Variants in PLEKHD1 observed in about 807,000 individuals in gnomAD.
The protein encoded by PLEKHD1 is pleckstrin homology domain-containing family D member 1.
In PLEKHD1, 51 loss-of-function variants were observed where a neutral mutation model predicts 69.2. The observed-to-expected ratio is 0.74, with a 90% confidence interval of 0.59 to 0.93. PLEKHD1 has a LOEUF of 0.93. Among genes scored for constraint, PLEKHD1 ranks in the 40% least tolerant of loss-of-function variants. PLEKHD1 has a pLI of 0.00. For missense variants in PLEKHD1, 584 were observed against 641.0 expected (o/e 0.91, Z 0.96); for synonymous variants, 236 against 244.7 (o/e 0.96, Z 0.33).
chr14:69,468,015 C>T, the PLEKHD1 span, among the ~76,000 whole-genome samples: 1 of 152,190 alleles, frequency 6.6e-6, no homozygotes, highest in Non-Finnish European at 1.5e-5. Context: ...GCCTTCTGTG[C>T]TGGTTTCGAT....
Position 69,501,838 on chromosome 14 carries a change from G to T in PLEKHD1, c.502+13G>T, listed in dbSNP as rs1883033156. 2 of 1,544,580 alleles carry T rather than the reference G, an allele frequency of 1.3e-6. No individual in the cohort carries two copies. The highest frequency in any genetic ancestry group is 2.4e-5 in the South Asian group (2 of 83,700). On this transcript the variant is annotated intron_variant, in intron 5 of 12. Transcript: ENST00000322564. ...CAGGAGTATTTAGGTTGGCTGGAGGGGTGGTTCCCTAATGGTAGCAGCACT... is the reference window on the plus strand; with the variant it reads ...CAGGAGTATTTAGGTTGGCTGGAGGTGTGGTTCCCTAATGGTAGCAGCACT...
chr14:69,514,938 G>A (rs1310690452), intron 6 of PLEKHD1, among the ~76,000 whole-genome samples: 1 of 152,194 alleles, frequency 6.6e-6, no homozygotes, highest in Non-Finnish European at 1.5e-5. Flanking sequence ...CTCAGGCACA[G>A]TGTAATCCCA....
intron 6 of PLEKHD1, among the ~76,000 whole-genome samples, chr14:69,518,038 G>A (rs867315500): frequency 0.023 from 3,430 of 149,118 alleles, 153 homozygotes; most frequent in African/African-American, 0.081. Flanking sequence ...TTATTTGTTT[G>A]TTTGTTTGTT....
intron 6 of PLEKHD1, among the ~76,000 whole-genome samples, chr14:69,519,036 C>T (rs1303945119): frequency 6.6e-6 from 1 of 151,808 alleles, no homozygotes; most frequent in Middle Eastern, 3.2e-3. Flanking sequence ...AGAGAAAGGC[C>T]CAGGAAGCCA....
chr14:69,501,887 G>A, intron 5 of PLEKHD1, 62 bp downstream of exon 5: 2 of 1,409,612 alleles, frequency 1.4e-6, no homozygotes, highest in Non-Finnish European at 9.7e-7. Context: ...CTATAGCCAG[G>A]GGCTTGGTAA....
chr14:69,471,717 A>C, the PLEKHD1 span, among the ~76,000 whole-genome samples: 2 of 152,094 alleles, frequency 1.3e-5, no homozygotes, highest in African/African-American at 2.4e-5. Flanking sequence ...AGGGCTCCCC[A>C]CACTTTCCCA....
upstream of PLEKHD1, among the ~76,000 whole-genome samples, chr14:69,484,129 A>C (rs1054958983): frequency 6.6e-6 from 1 of 152,116 alleles, no homozygotes; most frequent in Non-Finnish European, 1.5e-5. Flanking sequence ...AACCCACCTG[A>C]GGGGGAAGGG....
rs1882613775 is a variant in PLEKHD1 at position 69,484,744 on chromosome 14, C to G, written c.-222C>G. 1 of 519,380 alleles carries G rather than the reference C, an allele frequency of 1.9e-6. No individual in the cohort carries two copies. The highest frequency in any genetic ancestry group is 5.2e-4 in the Middle Eastern group (1 of 1,906). 32.2% of individuals were successfully genotyped at this position (519,380 alleles called of 1,614,324 possible). On this transcript the variant is annotated 5_prime_UTR_variant, in exon 1 of 13. Coordinates refer to ENST00000322564, the MANE Select transcript of PLEKHD1 (RefSeq NM_001161498.2). ...CCTCCCCGCGGAGTTCCCGCCCGGC[C>G]CTCTGCAATCCGGAGCCCAAGCCGC... is the stretch of plus-strand genomic sequence containing the variant.
intron 4 of PLEKHD1, 157 bp from the exon 5 acceptor site, chr14:69,501,577 G>A (rs923650083): frequency 5.1e-6 from 3 of 585,050 alleles, no homozygotes; most frequent in Non-Finnish European, 6.0e-6. Flanking sequence ...CATGCCCAGA[G>A]CCATGGGTGC....
At chr14:69,518,495 G>GA (rs1294967523) in intron 6 of PLEKHD1, among the ~76,000 whole-genome samples, 1 of 152,068 alleles carries the variant, frequency 6.6e-6, no homozygotes, top group Non-Finnish European at 1.5e-5. Context: ...AGAATTATAA[G>GA]AAAAAATCTC....
rs750947150 is a variant in PLEKHD1 at position 69,502,882 on chromosome 14, A to T, written c.555+3A>T. On this transcript the variant is annotated splice_donor_region_variant and intron_variant, in intron 6 of 12. Coordinates refer to ENST00000322564, the MANE Select transcript of PLEKHD1 (RefSeq NM_001161498.2). ...GCCTTCAGAGGGAGCAGAGAGAGGT[A>T]GGTGCACACCAAGGGGCTCTCAGCA... 1 of 1,551,674 alleles carries T rather than the reference A, an allele frequency of 6.4e-7. No individual in the cohort carries two copies.
chr14:69,528,441 C>T lies in PLEKHD1; in HGVS notation c.*22C>T, dbSNP rs1160423211. 3.9e-6 allele frequency: 6 copies of T among 1,547,506 alleles called. No individual in the cohort carries two copies. In the Admixed American group the frequency reaches 5.9e-5, roughly 15 times the overall value. On this transcript the variant is annotated 3_prime_UTR_variant, in exon 13 of 13. Transcript: ENST00000322564. ...GTGATGGGCGCTCCTCCCCTGCTTCCCAAGTCTCCCCTGGATGGGCGGGGG... is the reference window on the plus strand; with the variant it reads ...GTGATGGGCGCTCCTCCCCTGCTTCTCAAGTCTCCCCTGGATGGGCGGGGG...
chr14:69,475,870 C>T, the PLEKHD1 span, among the ~76,000 whole-genome samples: 10 of 152,104 alleles, frequency 6.6e-5, no homozygotes, highest in East Asian at 7.7e-4. Context: ...CCCAGTCCTG[C>T]GCAGGTAGAG....
At chr14:69,506,292 A>G (rs183673883) in intron 6 of PLEKHD1, among the ~76,000 whole-genome samples, 1 of 152,304 alleles carries the variant, frequency 6.6e-6, no homozygotes, top group Non-Finnish European at 1.5e-5. Flanking sequence ...CAGACCCAAG[A>G]TTCAGCAGAA....
At chr14:69,477,967 G>T in the PLEKHD1 span, among the ~76,000 whole-genome samples, 2 of 152,200 alleles carry the variant, frequency 1.3e-5, no homozygotes, top group Non-Finnish European at 2.9e-5. Flanking sequence ...CTATGTGGGG[G>T]TTCCTGCCCC....
upstream of PLEKHD1, among the ~76,000 whole-genome samples, chr14:69,480,602 C>T (rs1186387006): frequency 1.3e-5 from 2 of 152,160 alleles, no homozygotes; most frequent in Non-Finnish European, 2.9e-5. Flanking sequence ...GGCAATGTTT[C>T]CTGCCCATTC....
chr14:69,506,483 A>G (rs548152308), intron 6 of PLEKHD1, among the ~76,000 whole-genome samples: 2 of 152,356 alleles, frequency 1.3e-5, no homozygotes, highest in South Asian at 4.1e-4. Context: ...ACACTTGGAC[A>G]CTGGCTTCCT....
At chr14:69,526,915 G>A (rs1883664439) in intron 10 of PLEKHD1, 86 bp downstream of exon 10, 3 of 1,437,958 alleles carry the variant, frequency 2.1e-6, no homozygotes. Flanking sequence ...GTAGCTGCAT[G>A]AATTATCTCT....
chr14:69,475,713 G>A, the PLEKHD1 span, among the ~76,000 whole-genome samples: 10 of 152,132 alleles, frequency 6.6e-5, no homozygotes, highest in African/African-American at 1.7e-4. Flanking sequence ...ACTCCCCAGC[G>A]CACCCAGAGA....
Sources: allele counts gnomAD v4.1 joint callset (sites outside exome capture counted in the v4.1 genomes callset), GRCh38; gene constraint gnomAD v4.1.1; transcripts MANE v1.5; gene names NCBI Gene and HGNC (gene_info 2026-07-23, HGNC 2026-07-21).